Variants in ZNF267 observed in about 807,000 individuals in gnomAD.
ZNF267 encodes zinc finger (C2H2).
Under a neutral mutation model 71.6 loss-of-function variants are expected in ZNF267, and 61 were observed. The ratio of observed to expected loss-of-function variants is 0.85; its 90% CI spans 0.69 to 1.05. The LOEUF (loss-of-function observed/expected upper bound fraction) is 1.05, where lower values mean the gene tolerates loss of function less well. Ranked by LOEUF, ZNF267 falls within the 50% of genes least tolerant of loss-of-function variation. The probability of loss-of-function intolerance (pLI) is 0.00; values close to 1 mark genes in which losing one functional copy is unlikely to be tolerated. For missense variants in ZNF267, 852 were observed against 870.0 expected, an observed-to-expected ratio of 0.98 and a Z score of 0.26; for synonymous variants, 288 against 293.2, an observed-to-expected ratio of 0.98 and a Z score of 0.18.
At chr16:31,879,351 AT>A (rs2083874570) in intron 1 of ZNF267, among the ~76,000 whole-genome samples, 1 of 152,166 alleles carries the variant, frequency 6.6e-6, no homozygotes, top group African/African-American at 2.4e-5. Context: ...ACCAGTGGGT[AT>A]TTTTCTAATC....
In ZNF267 at chr16:31,884,593, G is replaced by A; in HGVS notation, c.99G>A (p.Met33Ile). 3.1e-6 allele frequency: 5 copies of A among 1,614,110 alleles called. No individual in the cohort carries two copies. Among genetic ancestry groups the A allele is most frequent in the Middle Eastern group, 1.7e-4 (1 of 6,060 alleles). ...PAQKNLYQDV[M>I]LENYRNLVSL... Reference sequence around the variant, plus strand: ...AGAAGAATTTGTATCAGGATGTGATGTTAGAAAACTACAGAAACCTGGTCT... The same window carrying A: ...AGAAGAATTTGTATCAGGATGTGATATTAGAAAACTACAGAAACCTGGTCT... Residue 33 changes from methionine (M) to isoleucine (I), a missense_variant, in exon 2 of 4, where the codon ATG becomes ATA. By Grantham distance (10) the Met-to-Ile change is conservative (BLOSUM62 1). Coordinates refer to ENST00000300870, the MANE Select transcript of ZNF267 (RefSeq NM_003414.6).
At chr16:31,898,547 A>ATT (rs36114741) in intron 3 of ZNF267, among the ~76,000 whole-genome samples, 77 of 149,622 alleles carry the variant, frequency 5.1e-4, no homozygotes, top group East Asian at 3.5e-3. Context: ...TGTTTTATTG[A>ATT]TTTTTTTTTA....
chr16:31,877,691 AG>A (rs1453961956), intron 1 of ZNF267, among the ~76,000 whole-genome samples: 1 of 152,220 alleles, frequency 6.6e-6, no homozygotes, highest in Admixed American at 6.5e-5. Flanking sequence ...TGACTAAATC[AG>A]GGAGCATCAT....
intron 1 of ZNF267, among the ~76,000 whole-genome samples, chr16:31,880,671 T>G (rs1465912027): frequency 1.3e-5 from 2 of 152,206 alleles, no homozygotes; most frequent in African/African-American, 4.8e-5. Context: ...CTAATCTTGC[T>G]TCCGTCTCAG....
At chr16:31,900,035 TTATA>T (rs200466632) in intron 3 of ZNF267, among the ~76,000 whole-genome samples, 3 of 151,154 alleles carry the variant, frequency 2.0e-5, no homozygotes, top group Admixed American at 2.0e-4. Flanking sequence ...ATGTGTTTAT[TTATA>T]TATATATATA....
Position 31,916,679 on chromosome 16 carries a change from CTG to C in ZNF267, c.*201_*202del. 3.3e-6 allele frequency: 2 copies of C among 608,768 alleles called. No homozygotes were observed. Among genetic ancestry groups the C allele is most frequent in the Non-Finnish European group, 5.6e-6 (2 of 355,652 alleles). The allele number at this position is 608,768 out of a possible 1,614,324, so 37.7% of individuals were successfully genotyped here. ...TAAAAATGTGGCAAATTATTTTAAA[CTG>C]TGCTCAACCCTTACTCAAGATAATC... On this transcript the variant is annotated 3_prime_UTR_variant, in exon 4 of 4. Transcript: ENST00000300870.
chr16:31,916,031 T>A lies in ZNF267; in HGVS notation c.1782T>A (p.His594Gln). Reference protein sequence around the residue: ...SFSDSSGLTVHRRTHTGEKPY... With the variant: ...SFSDSSGLTVQRRTHTGEKPY... ...GTGACTCCTCAGGTCTTACTGTGCA[T>A]CGGCGAACTCATACTGGAGAGAAAC... is the stretch of plus-strand genomic sequence containing the variant. Residue 594 changes from histidine (H) to glutamine (Q), a missense_variant, in exon 4 of 4, where the codon CAT (histidine) becomes CAA (glutamine). By Grantham distance (24) the His-to-Gln change is conservative (BLOSUM62 0). Transcript: ENST00000300870. The A allele has an allele frequency of 1.2e-6, 2 of 1,613,960 alleles. No homozygotes were observed. The highest frequency in any genetic ancestry group is 8.5e-7 in the Non-Finnish European group (1 of 1,179,978).
At chr16:31,895,151 T>C (rs951458992) in intron 3 of ZNF267, among the ~76,000 whole-genome samples, 1 of 152,214 alleles carries the variant, frequency 6.6e-6, no homozygotes, top group Non-Finnish European at 1.5e-5. Context: ...AGCAGGTGGG[T>C]GTGAGCTCTG....
intron 3 of ZNF267, among the ~76,000 whole-genome samples, chr16:31,890,019 A>AG (rs1226213905): frequency 7.9e-5 from 12 of 152,242 alleles, no homozygotes; most frequent in African/African-American, 2.9e-4. Context: ...AAATTTAAAA[A>AG]GACTTGTTTT....
chr16:31,909,741 G>T (rs1225089924), intron 3 of ZNF267, among the ~76,000 whole-genome samples: 1 of 152,108 alleles, frequency 6.6e-6, no homozygotes, highest in Non-Finnish European at 1.5e-5. Context: ...CAATTTGGAT[G>T]CCATTTAGTT....
At chr16:31,875,264 G>T in intron 1 of ZNF267, 1 of 1,289,244 alleles carries the variant, frequency 7.8e-7, no homozygotes, top group South Asian at 1.2e-5. Flanking sequence ...TTTAGTGACT[G>T]TCAGCCCCAG....
chr16:31,904,929 G>GT (rs759408790), intron 3 of ZNF267, among the ~76,000 whole-genome samples: 3 of 152,190 alleles, frequency 2.0e-5, no homozygotes, highest in Non-Finnish European at 4.4e-5. Flanking sequence ...GGTACCGGTT[G>GT]TTCCTTTCCA....
At position 31,916,361 on chromosome 16, in the gene ZNF267, T is replaced by A. The variant is rs772575630; in HGVS notation, c.2112T>A (p.Thr704=). ...CCTTCAGCTATAGGTCATACCTCAC[T>A]ACACATCGGAGAAGTCATAGTGGAG... ...GKAFSYRSYL[T]THRRSHSGER... Residue 704 remains threonine, a synonymous_variant, in exon 4 of 4, where the codon ACT becomes ACA. Coordinates refer to ENST00000300870, the MANE Select transcript of ZNF267 (RefSeq NM_003414.6). The A allele has an allele frequency of 9.9e-6, 16 of 1,613,940 alleles. No homozygotes were observed. The highest frequency in any genetic ancestry group is 1.4e-5 in the Non-Finnish European group (16 of 1,179,978).
rs1163958777 is a variant in ZNF267, at chr16:31,914,678, T to C, written c.429T>C (p.Ser143=). The change falls in exon 4 of 4, where the codon TCT becomes TCC. Residue 143 remains serine (S), a synonymous_variant. Transcript: ENST00000300870. The stretch of plus-strand genomic sequence containing the variant: ...AATATGATCAATTTGATGAATCCTC[T>C]GTTGAAAGTTTGTTTCACCAGCAAA... ...TFKYDQFDES[S]VESLFHQQIL... is the part of the protein sequence containing the mutation. The C allele has an allele frequency of 6.2e-7, 1 of 1,614,148 alleles. No homozygotes were observed. Among genetic ancestry groups the C allele is most frequent in the Non-Finnish European group, 8.5e-7 (1 of 1,180,010 alleles).
rs1567239471 is a variant in ZNF267 at position 31,914,530 on chromosome 16, C to T, written c.281C>T (p.Ser94Leu). ...TTGACAGAGCACTGCACAGAAGCTT[C>T]ATTCCAAAAAGTGATATCGAGGAGA... ...DLLTEHCTEASFQKVISRRHG... is the reference protein window; with the variant it reads ...DLLTEHCTEALFQKVISRRHG... The change falls in exon 4 of 4, where the codon TCA becomes TTA. Residue 94 changes from serine to leucine, a missense_variant. Ser to Leu is a moderately radical substitution (Grantham distance 145, BLOSUM62 -2). Transcript: ENST00000300870. The T allele has an allele frequency of 3.1e-6, 5 of 1,613,876 alleles. No individual in the cohort carries two copies. Among genetic ancestry groups the T allele is most frequent in the Non-Finnish European group, 4.2e-6 (5 of 1,179,932 alleles).
intron 3 of ZNF267, among the ~76,000 whole-genome samples, chr16:31,909,120 C>CTTT (rs34409182): frequency 3.1e-4 from 14 of 45,326 alleles, no homozygotes; most frequent in East Asian, 9.6e-4. Context: ...CTTTTCTTTT[C>CTTT]TTTTTTTTTT....
Position 31,887,403 on chromosome 16 carries a change from T to C in ZNF267, c.226+2147T>C, listed in dbSNP as rs77065823. Among the ~76,000 whole-genome samples the C allele has an allele frequency of 8.1e-3, 1,233 of 152,248 alleles. 7 individuals are homozygous for C. The highest frequency in any genetic ancestry group is 0.024 in the Middle Eastern group (7 of 294). Reference sequence around the variant, plus strand: ...ACTTTTTTGTTTCATTTAATGCTACTTGTTTTTATTTTTTGCTTTTTGTTG... The same window carrying C: ...ACTTTTTTGTTTCATTTAATGCTACCTGTTTTTATTTTTTGCTTTTTGTTG... On this transcript the variant is annotated intron_variant, in intron 3 of 3. Transcript: ENST00000300870.
intron 3 of ZNF267, among the ~76,000 whole-genome samples, chr16:31,900,134 A>G (rs1353843968): frequency 3.9e-5 from 6 of 151,986 alleles, no homozygotes; most frequent in Non-Finnish European, 5.9e-5. Flanking sequence ...GTAATTAGTA[A>G]TAATACAGAA....
chr16:31,874,233 G>T, intron 1 of ZNF267: 1 of 454,654 alleles, frequency 2.2e-6, no homozygotes, highest in Non-Finnish European at 3.9e-6. Flanking sequence ...GCAGCTCCGC[G>T]TCGCAGCCCC....
Sources: gnomAD v4.1 joint callset for allele counts (sites outside exome capture counted in the v4.1 genomes callset) on GRCh38, gnomAD v4.1.1 for gene constraint, MANE v1.5 for transcripts, NCBI Gene and HGNC (gene_info 2026-07-23, HGNC 2026-07-21) for gene names.